The following FAM168A variants were observed in gnomAD, a reference collection of about 807,000 sequenced individuals.
FAM168A encodes the protein family with sequence similarity 168 member A.
Under a neutral mutation model 28.5 loss-of-function variants are expected in FAM168A, and 3 were observed. The observed-to-expected ratio is 0.11, with a 90% CI of 0.05 to 0.27. The LOEUF is 0.27. Ranked by LOEUF, FAM168A falls within the 10% of genes least tolerant of loss-of-function variation. The pLI, the probability that FAM168A is intolerant of heterozygous loss-of-function variation, is 1.00. For missense variants in FAM168A, 222 were observed against 311.5 expected (o/e 0.71, Z 2.16); for synonymous variants, 122 against 124.2 (o/e 0.98, Z 0.12).
chr11:73,578,877 A>C (rs149289360), intron 1 of FAM168A, among the ~76,000 whole-genome samples: 168 of 152,340 alleles, frequency 1.1e-3, no homozygotes, highest in East Asian at 7.1e-3. Flanking sequence ...ATAAAATGAA[A>C]GTGACAATAG....
intron 1 of FAM168A, among the ~76,000 whole-genome samples, chr11:73,583,073 G>A (rs1298173390): frequency 6.6e-6 from 1 of 152,142 alleles, no homozygotes; most frequent in Non-Finnish European, 1.5e-5. Flanking sequence ...GGGAGGCCAA[G>A]GCAGGCGGAT....
chr11:73,482,145 A>G (rs971808038), intron 1 of FAM168A, among the ~76,000 whole-genome samples: 9 of 149,572 alleles, frequency 6.0e-5, no homozygotes, highest in Non-Finnish European at 8.9e-5. Flanking sequence ...GTTTTGTTAC[A>G]GCAGCACAAA....
intron 1 of FAM168A, among the ~76,000 whole-genome samples, chr11:73,518,243 A>G (rs1468691350): frequency 6.6e-6 from 1 of 152,160 alleles, no homozygotes; most frequent in East Asian, 1.9e-4. Context: ...AGCTAGGAAT[A>G]ATCTCTTGCA....
intron 2 of FAM168A, among the ~76,000 whole-genome samples, chr11:73,457,723 C>CATAA (rs1867562946): frequency 2.7e-5 from 1 of 37,542 alleles, no homozygotes; most frequent in Non-Finnish European, 7.8e-5. Context: ...GCCTGGGTGA[C>CATAA]AAAAAAAAAA....
chr11:73,444,101 C>T (rs774599916), intron 2 of FAM168A, among the ~76,000 whole-genome samples: 1 of 152,190 alleles, frequency 6.6e-6, no homozygotes, highest in African/African-American at 2.4e-5. Context: ...ATTTACCAGA[C>T]ATAATATCAT....
At chr11:73,409,448 G>A (rs754914640) in intron 6 of FAM168A, 39 bp downstream of exon 6, 12 of 1,609,100 alleles carry the variant, frequency 7.5e-6, no homozygotes, top group Non-Finnish European at 9.3e-6. Context: ...TGAGTTCCTA[G>A]AGGAAAGGGA....
intron 1 of FAM168A, among the ~76,000 whole-genome samples, chr11:73,470,100 AG>A (rs1867792403): frequency 6.6e-6 from 1 of 151,998 alleles, no homozygotes; most frequent in South Asian, 2.1e-4. Flanking sequence ...TTTAGTAGAC[AG>A]GGGTTTCACC....
chr11:73,494,950 G>A (rs1590814699), intron 1 of FAM168A, among the ~76,000 whole-genome samples: 1 of 150,744 alleles, frequency 6.6e-6, no homozygotes, highest in African/African-American at 2.4e-5. Context: ...CTGCAGCAGT[G>A]AGCCAAGATC....
chr11:73,535,481 T>TA (rs1214872439), intron 1 of FAM168A, among the ~76,000 whole-genome samples: 14 of 150,640 alleles, frequency 9.3e-5, no homozygotes, highest in African/African-American at 3.4e-4. Flanking sequence ...TGCAGTGGTG[T>TA]AATCTGCAGC....
At chr11:73,543,166 G>A (rs1304382446) in intron 1 of FAM168A, among the ~76,000 whole-genome samples, 1 of 151,466 alleles carries the variant, frequency 6.6e-6, no homozygotes, top group Non-Finnish European at 1.5e-5. Flanking sequence ...ACAATTGAAA[G>A]CACGGACTTT....
chr11:73,468,363 AC>A (rs772955339), intron 2 of FAM168A, 41 bp downstream of exon 2: 1 of 1,586,718 alleles, frequency 6.3e-7, no homozygotes, highest in Non-Finnish European at 8.6e-7. Context: ...AATATCCTTA[AC>A]CACCATTTCT....
chr11:73,506,093 G>C (rs542049766), intron 1 of FAM168A, among the ~76,000 whole-genome samples: 1 of 152,028 alleles, frequency 6.6e-6, no homozygotes, highest in African/African-American at 2.4e-5. Context: ...TCCACACCAG[G>C]ACCTCCATGT....
chr11:73,467,879 C>T (rs1320193478), intron 2 of FAM168A, among the ~76,000 whole-genome samples: 1 of 152,140 alleles, frequency 6.6e-6, no homozygotes, highest in Admixed American at 6.6e-5. Flanking sequence ...AAAATATTTA[C>T]TGTTAATTTA....
chr11:73,572,936 A>G (rs911088654), intron 1 of FAM168A, among the ~76,000 whole-genome samples: 4 of 152,232 alleles, frequency 2.6e-5, no homozygotes, highest in African/African-American at 9.6e-5. Context: ...TGTTCCACTT[A>G]GGAAAAATTT....
chr11:73,586,599 C>G (rs1273736093), intron 1 of FAM168A, among the ~76,000 whole-genome samples: 1 of 152,148 alleles, frequency 6.6e-6, no homozygotes, highest in Non-Finnish European at 1.5e-5. Flanking sequence ...GGGGTGTTAA[C>G]TGGAAGATAA....
intron 1 of FAM168A, among the ~76,000 whole-genome samples, chr11:73,571,842 C>T (rs1324916952): frequency 6.6e-6 from 1 of 151,842 alleles, no homozygotes; most frequent in African/African-American, 2.4e-5. Flanking sequence ...AAGTGAGGAG[C>T]GTCTCTGCCT....
intron 4 of FAM168A, among the ~76,000 whole-genome samples, chr11:73,414,072 G>A (rs1016904651): frequency 2.0e-5 from 3 of 152,178 alleles, no homozygotes; most frequent in African/African-American, 4.8e-5. Flanking sequence ...CTTAAAGAAG[G>A]TGGGGAGGTG....
intron 1 of FAM168A, among the ~76,000 whole-genome samples, chr11:73,498,532 C>CA (rs1854940420): frequency 6.6e-6 from 1 of 152,268 alleles, no homozygotes; most frequent in Non-Finnish European, 1.5e-5. Context: ...CACTGGGTTG[C>CA]AGTGGCCCAC....
At chr11:73,413,822 T>G (rs1042676494) in intron 4 of FAM168A, among the ~76,000 whole-genome samples, 4 of 152,170 alleles carry the variant, frequency 2.6e-5, no homozygotes, top group Admixed American at 1.3e-4. Flanking sequence ...TCCCAGCACT[T>G]TGGGAGGCCA....
Sources: gnomAD v4.1 joint callset for allele counts (sites outside exome capture counted in the v4.1 genomes callset) on GRCh38, gnomAD v4.1.1 for gene constraint, MANE v1.5 for transcripts, NCBI Gene and HGNC (gene_info 2026-07-23, HGNC 2026-07-21) for gene names.